The following ST18 variants were observed in gnomAD, a reference collection of about 807,000 sequenced individuals.
ST18 encodes the protein ST18 C2H2C-type zinc finger transcription factor.
A neutral mutation model predicts 110.0 loss-of-function variants in ST18; 50 were observed. The observed-to-expected ratio is 0.45, with a 90% CI of 0.36 to 0.58. The LOEUF is 0.58. Among genes scored for constraint, ST18 ranks in the 20% least tolerant of loss-of-function variants. The pLI, the probability that ST18 is intolerant of heterozygous loss-of-function variation, is 0.00. For synonymous variants in ST18, 461 were observed against 452.4 expected, an observed-to-expected ratio of 1.02 and a Z score of -0.24; for missense variants, 1,306 against 1,280.1, an observed-to-expected ratio of 1.02 and a Z score of -0.31.
At chr8:52,137,328 C>T in intron 18 of ST18, 93 bp downstream of exon 18, 1 of 1,322,662 alleles carries the variant, frequency 7.6e-7, no homozygotes, top group Non-Finnish European at 1.0e-6. Context: ...TCATTTCCTG[C>T]TTCAGATAAT....
intron 2 of ST18, among the ~76,000 whole-genome samples, chr8:52,332,046 T>C (rs984195131): frequency 6.6e-6 from 1 of 152,004 alleles, no homozygotes; most frequent in African/African-American, 2.4e-5. Context: ...ATAAAACAAA[T>C]ATGTATGTGT....
At chr8:52,279,036 T>A (rs905396943) in intron 2 of ST18, among the ~76,000 whole-genome samples, 16 of 152,090 alleles carry the variant, frequency 1.1e-4, no homozygotes, top group African/African-American at 3.6e-4. Flanking sequence ...AATAATTTTT[T>A]AAAAAATAAT....
chr8:52,374,648 A>T (rs1335494998), intron 2 of ST18, among the ~76,000 whole-genome samples: 1 of 152,064 alleles, frequency 6.6e-6, no homozygotes, highest in Non-Finnish European at 1.5e-5. Context: ...TATTAAGCCC[A>T]GCATCCATTA....
intron 22 of ST18, among the ~76,000 whole-genome samples, chr8:52,129,295 G>T (rs761837634): frequency 6.6e-6 from 1 of 151,426 alleles, no homozygotes; most frequent in Non-Finnish European, 1.5e-5. Context: ...GTGAAACCCC[G>T]TCTCTACCAA....
intron 8 of ST18, among the ~76,000 whole-genome samples, chr8:52,181,455 T>C (rs748642096): frequency 8.5e-5 from 13 of 152,128 alleles, no homozygotes; most frequent in Non-Finnish European, 1.3e-4. Flanking sequence ...GGGGTAAAAG[T>C]GTCATTTCTT....
In ST18 at chr8:52,184,062, C is replaced by T. The variant is rs190244510; in HGVS notation, c.87-3750G>A. Among the ~76,000 whole-genome samples the T allele has an allele frequency of 1.9e-3, 282 of 152,266 alleles. 2 individuals carry two copies. Among genetic ancestry groups the T allele is most frequent in the Non-Finnish European group, 3.4e-3 (232 of 68,024 alleles). Reference sequence around the variant, plus strand: ...TTTATTGTGACACTTCACTGTGACACTGCAATGAGGGAAAGCCATGCTTTA... The same window carrying T: ...TTTATTGTGACACTTCACTGTGACATTGCAATGAGGGAAAGCCATGCTTTA... On this transcript the variant is annotated intron_variant, in intron 8 of 25. Transcript: ENST00000689386.
In ST18 at chr8:52,111,997, TGA is replaced by T. The variant is rs1284434945; in HGVS notation, c.*1199_*1200del. On this transcript the variant is annotated 3_prime_UTR_variant, in exon 26 of 26. Transcript: ENST00000689386. ...CTGTGTGTGAGTATGCCTGTGTGTG[TGA>T]GTGTGTGTGTATATTTTGTAGCATT... 1 of 152,268 alleles carries T rather than the reference TGA, an allele frequency of 6.6e-6. No individual in the cohort carries two copies. The highest frequency in any genetic ancestry group is 2.4e-5 in the African/African-American group (1 of 41,272). The allele number at this position is 152,268 out of a possible 1,614,324, so 9.4% of individuals were successfully genotyped here. A position where few individuals can be genotyped will look rare whatever the true frequency, so the allele number is the denominator to read the frequency against.
At chr8:52,167,032 T>C in intron 10 of ST18, 46 bp from the exon 11 acceptor site, 1 of 1,571,188 alleles carries the variant, frequency 6.4e-7, no homozygotes, top group Non-Finnish European at 8.7e-7. Flanking sequence ...ATTCTTGCTT[T>C]TCTTCCCATT....
At chr8:52,284,055 G>A (rs2095430069) in intron 2 of ST18, among the ~76,000 whole-genome samples, 1 of 152,152 alleles carries the variant, frequency 6.6e-6, no homozygotes, top group Admixed American at 6.5e-5. Flanking sequence ...TGGTACAAAT[G>A]CAATGAGGCA....
intron 2 of ST18, among the ~76,000 whole-genome samples, chr8:52,342,175 T>C (rs896688555): frequency 1.2e-4 from 19 of 152,204 alleles, no homozygotes; most frequent in African/African-American, 4.3e-4. Flanking sequence ...CCACAATGTA[T>C]ACACATATCA....
At chr8:52,148,788 G>A (rs1015230550) in intron 16 of ST18, among the ~76,000 whole-genome samples, 5 of 152,072 alleles carry the variant, frequency 3.3e-5, no homozygotes, top group East Asian at 1.9e-4. Context: ...AACTGTGTAC[G>A]TTGACTTATA....
At chr8:52,263,615 T>G (rs866585519) in intron 2 of ST18, among the ~76,000 whole-genome samples, 69 of 146,364 alleles carry the variant, frequency 4.7e-4, no homozygotes, top group Middle Eastern at 3.5e-3. Context: ...GTTTTGTTTT[T>G]TTTTTTTTTA....
At chr8:52,361,356 T>A (rs145659451) in intron 2 of ST18, among the ~76,000 whole-genome samples, 1 of 152,094 alleles carries the variant, frequency 6.6e-6, no homozygotes, top group Non-Finnish European at 1.5e-5. Context: ...ATCACTAGAG[T>A]CTTGAGGGGG....
chr8:52,309,520 CA>C (rs756214451), intron 2 of ST18, among the ~76,000 whole-genome samples: 6,212 of 37,484 alleles, frequency 0.17, 15 homozygotes, highest in African/African-American at 0.21. Flanking sequence ...GACTCCATCT[CA>C]AAAAAAAAAA....
intron 2 of ST18, among the ~76,000 whole-genome samples, chr8:52,323,244 A>T (rs1238114491): frequency 2.6e-5 from 4 of 152,228 alleles, no homozygotes; most frequent in Non-Finnish European, 5.9e-5. Context: ...CCCACCCGTG[A>T]TTTAACCACA....
chr8:52,210,834 C>T (rs1290095989), intron 8 of ST18, among the ~76,000 whole-genome samples: 1 of 152,110 alleles, frequency 6.6e-6, no homozygotes, highest in Non-Finnish European at 1.5e-5. Context: ...TGAACCAAGG[C>T]TATGACGGAG....
At chr8:52,208,793 G>A (rs1424334576) in intron 8 of ST18, among the ~76,000 whole-genome samples, 1 of 152,130 alleles carries the variant, frequency 6.6e-6, no homozygotes, top group Non-Finnish European at 1.5e-5. Flanking sequence ...ACTCTAGCCT[G>A]GGCGACACAG....
At chr8:52,213,925 T>A (rs2083134753) in intron 7 of ST18, among the ~76,000 whole-genome samples, 1 of 152,262 alleles carries the variant, frequency 6.6e-6, no homozygotes, top group Non-Finnish European at 1.5e-5. Context: ...CCTCACTTGC[T>A]GAACCTTATG....
intron 8 of ST18, among the ~76,000 whole-genome samples, chr8:52,205,643 C>T (rs748643835): frequency 3.3e-5 from 5 of 152,140 alleles, no homozygotes; most frequent in Non-Finnish European, 7.3e-5. Context: ...TCTAGGCTCA[C>T]TGCAACCTCC....
Sources: gnomAD v4.1 joint callset for allele counts (sites outside exome capture counted in the v4.1 genomes callset) on GRCh38, gnomAD v4.1.1 for gene constraint, MANE v1.5 for transcripts, NCBI Gene and HGNC (gene_info 2026-07-23, HGNC 2026-07-21) for gene names.